Variants in PRMT2 observed in about 807,000 individuals in gnomAD.
The protein encoded by PRMT2 is protein arginine N-methyltransferase 2.
PRMT2 carries 26 observed loss-of-function variants against 57.6 expected under a neutral mutation model. That is an observed-to-expected ratio of 0.45 (90% confidence interval 0.33 to 0.63). The LOEUF is 0.63. PRMT2 is among the 20% of genes least tolerant of loss of function. The pLI, the probability that PRMT2 is intolerant of heterozygous loss-of-function variation, is 0.02. For synonymous variants in PRMT2, 219 were observed against 220.0 expected (o/e 1.00, Z 0.04); for missense variants, 472 against 564.4 (o/e 0.84, Z 1.66).
At chr21:46,652,771 T>C (rs1399720244) in intron 7 of PRMT2, 15 of 1,192,112 alleles carry the variant, frequency 1.3e-5, no homozygotes, top group Non-Finnish European at 1.6e-5. Flanking sequence ...GTGTCCTAGA[T>C]TGTCAACAGA....
chr21:46,661,893 G>A lies in PRMT2; in HGVS notation c.1054G>A (p.Glu352Lys). The change falls in exon 10 of 12, where the codon GAG becomes AAG. Residue 352 changes from glutamate (E) to lysine (K), a missense_variant. Physicochemically the swap from Glu to Lys is moderately conservative, Grantham distance 56 (BLOSUM62 1). Coordinates refer to ENST00000355680, the MANE Select transcript of PRMT2 (RefSeq NM_206962.4). The stretch of plus-strand genomic sequence containing the variant: ...TAGCGTCCACTTCCAGAGCCTGCAG[G>A]AGGGGCAGCCGCCGCAGGTGCTCAG... ...WFSVHFQSLQ[E>K]GQPPQVLSTG... is the part of the protein sequence containing the mutation. The A allele has an allele frequency of 6.7e-7, 1 of 1,491,198 alleles. No individual in the cohort carries two copies. Among genetic ancestry groups the A allele is most frequent in the East Asian group, 2.7e-5 (1 of 37,698 alleles). The allele number at this position is 1,491,198 out of a possible 1,614,324, so 92.4% of individuals were successfully genotyped here.
chr21:46,638,428 GT>G (rs1345903050), intron 3 of PRMT2, among the ~76,000 whole-genome samples: 1 of 152,168 alleles, frequency 6.6e-6, no homozygotes, highest in Non-Finnish European at 1.5e-5. Context: ...ATTGTTTCTA[GT>G]TTTTTCTATT....
At chr21:46,652,791 C>A in intron 7 of PRMT2, 9 of 1,223,500 alleles carry the variant, frequency 7.4e-6, no homozygotes, top group Non-Finnish European at 9.5e-6. Context: ...ACCATTTAAT[C>A]ATTTTTGTTA....
rs1460559354 is a variant in PRMT2, at chr21:46,664,714, C to A, written c.*387C>A. 7.5e-6 allele frequency: 2 copies of A among 266,518 alleles called. No individual in the cohort carries two copies. The highest frequency in any genetic ancestry group is 1.5e-5 in the Non-Finnish European group (2 of 136,288). The allele number at this position is 266,518 out of a possible 1,614,324, so 16.5% of individuals were successfully genotyped here. ...CTGTGACAGTGACTGTCCCCACCTC[C>A]TATGTTAGTGGTGCCCTTACTGCCG... On this transcript the variant is annotated 3_prime_UTR_variant, in exon 12 of 12. Transcript: ENST00000355680.
chr21:46,644,637 G>T, intron 5 of PRMT2, 149 bp downstream of exon 5: 3 of 703,420 alleles, frequency 4.3e-6, no homozygotes, highest in Non-Finnish European at 4.4e-6. Flanking sequence ...TTGTGTGGAA[G>T]CCACTGTGGA....
chr21:46,658,572 C>A lies in PRMT2; in HGVS notation c.655-173C>A, dbSNP rs543599580. 1.7e-5 allele frequency: 20 copies of A among 1,176,446 alleles called. No individual in the cohort carries two copies. In the South Asian group the frequency reaches 3.2e-4, roughly 19 times the overall value. 72.9% of individuals were successfully genotyped at this position (1,176,446 alleles called of 1,614,324 possible). A position where few individuals can be genotyped will look rare whatever the true frequency, so the allele number is the denominator to read the frequency against. On this transcript the variant is annotated intron_variant, in intron 7 of 11. Transcript: ENST00000355680. ...GTGAGATGCATCAGTGACGTGTGGGCATAAAATAAACCCTCGAGATGTTCT... is the reference window on the plus strand; with the variant it reads ...GTGAGATGCATCAGTGACGTGTGGGAATAAAATAAACCCTCGAGATGTTCT...
At position 46,648,126 on chromosome 21, in the gene PRMT2, C is replaced by T. The variant is rs1382554095; in HGVS notation, c.328-332C>T. Among the ~76,000 whole-genome samples, 4 of 152,186 alleles carry T rather than the reference C, an allele frequency of 2.6e-5. No individual in the cohort carries two copies. The highest frequency in any genetic ancestry group is 9.7e-5 in the African/African-American group (4 of 41,442). On this transcript the variant is annotated intron_variant, in intron 5 of 11. Transcript: ENST00000355680. This position sits in a 1 kb window ranked among gnomAD's most constrained non-coding sequence, Gnocchi z 4.8. ...CTGACATCTTTATAACATTGACTCT[C>T]AGTCTCTGATTACTTAAGCTTTGTT...
Position 46,658,928 on chromosome 21 carries a change from T to C in PRMT2, c.830+8T>C. On this transcript the variant is annotated splice_region_variant and intron_variant, in intron 8 of 11. Coordinates refer to ENST00000355680, the MANE Select transcript of PRMT2 (RefSeq NM_206962.4). ...CAACCTCAGCGCTCTGAAGTAAGTG[T>C]CCACAGCTGGGACTGGCACCGTCTT... 2 of 1,609,698 alleles carry C rather than the reference T, an allele frequency of 1.2e-6. No homozygotes were observed. Among genetic ancestry groups the C allele is most frequent in the Non-Finnish European group, 1.7e-6 (2 of 1,176,600 alleles).
At chr21:46,638,319 A>C (rs763242261) in intron 3 of PRMT2, among the ~76,000 whole-genome samples, 1 of 152,206 alleles carries the variant, frequency 6.6e-6, no homozygotes, top group African/African-American at 2.4e-5. Context: ...AGTGTAAAGT[A>C]TCCTATTTGT....
chr21:46,663,290 C>G (rs558035451), intron 10 of PRMT2, 93 bp from the exon 11 acceptor site: 6 of 1,299,982 alleles, frequency 4.6e-6, no homozygotes, highest in Non-Finnish European at 6.3e-6. Flanking sequence ...CTGTTGGGGG[C>G]GAGAGCCAGT....
rs760653379 is a variant in PRMT2 at position 46,660,851 on chromosome 21, G to A, written c.849G>A (p.Glu283=). ...LSALKSLAVK[E]FFSKPKYNHI... ...CCCCTAGATCTTTAGCAGTTAAGGA[G>A]TTTTTTTCAAAGCCCAAGTATAACC... Residue 283 remains glutamate (E), a synonymous_variant, in exon 9 of 12, where the codon GAG becomes GAA. Coordinates refer to ENST00000355680, the MANE Select transcript of PRMT2 (RefSeq NM_206962.4). 3 of 1,614,016 alleles carry A rather than the reference G, an allele frequency of 1.9e-6. No individual in the cohort carries two copies. Among genetic ancestry groups the A allele is most frequent in the Admixed American group, 1.7e-5 (1 of 59,984 alleles).
Position 46,660,777 on chromosome 21 carries a change from T to G in PRMT2, c.831-56T>G, listed in dbSNP as rs1032491318. 6 of 1,599,636 alleles carry G rather than the reference T, an allele frequency of 3.8e-6. No individual in the cohort carries two copies. In the Admixed American group the frequency reaches 6.9e-5, roughly 18 times the overall value. On this transcript the variant is annotated intron_variant, in intron 8 of 11. Transcript: ENST00000355680. ...TCACCGCGGTCCCACGTGTGTGTTT[T>G]GAAGCCTAAGATGTTTGCAATGACT...
chr21:46,652,553 G>A (rs2061476315), intron 7 of PRMT2: 1 of 985,322 alleles, frequency 1.0e-6, no homozygotes, highest in Admixed American at 6.1e-5. Context: ...TTTGACCTGG[G>A]AAGTTGGCTG....
chr21:46,651,938 T>A (rs373818547), intron 7 of PRMT2: 9 of 1,613,200 alleles, frequency 5.6e-6, no homozygotes, highest in Non-Finnish European at 7.6e-6. Context: ...CCTTGCCTGC[T>A]GTCTGCCTGT....
Position 46,663,372 on chromosome 21 carries a change from C to T in PRMT2, c.1098-11C>T. 1.9e-6 allele frequency: 3 copies of T among 1,606,002 alleles called. No individual in the cohort carries two copies. The highest frequency in any genetic ancestry group is 1.3e-5 in the African/African-American group (1 of 74,934). On this transcript the variant is annotated splice_polypyrimidine_tract_variant and intron_variant, in intron 10 of 11. Transcript: ENST00000355680. ...CTCAGCCTCCAGGTCACACGCACCC[C>T]TGTCTTGCAGCACCACACACTGGAA...
intron 10 of PRMT2, 34 bp downstream of exon 10, chr21:46,661,970 G>GTGGGGGGCGCGGAGA (rs776577084): frequency 0.035 from 39,541 of 1,120,366 alleles, 3,401 homozygotes; most frequent in Non-Finnish European, 0.038. Flanking sequence ...GGGGTGCGGG[G>GTGGGGGGCGCGGAGA]TGGGGGGCAG....
intron 3 of PRMT2, among the ~76,000 whole-genome samples, chr21:46,642,605 C>G (rs1484215361): frequency 6.6e-6 from 1 of 152,192 alleles, no homozygotes; most frequent in Non-Finnish European, 1.5e-5. Flanking sequence ...ACACGAATTA[C>G]TTTTATGTTT....
intron 2 of PRMT2, 136 bp downstream of exon 2, chr21:46,636,683 G>A (rs1311013083): frequency 2.1e-6 from 1 of 471,264 alleles, no homozygotes; most frequent in African/African-American, 2.0e-5. Flanking sequence ...ACACCTTGCA[G>A]ACTAGTGAAG....
intron 7 of PRMT2, chr21:46,658,505 T>G (rs1292003244): frequency 1.8e-6 from 1 of 561,026 alleles, no homozygotes; most frequent in Non-Finnish European, 2.9e-6. Flanking sequence ...TCTGCTCCAG[T>G]TCATAGTTCT....
Sources: gnomAD v4.1 joint callset for allele counts (sites outside exome capture counted in the v4.1 genomes callset) on GRCh38, gnomAD v4.1.1 for gene constraint, Gnocchi (gnomAD v3.1) non-coding constraint, MANE v1.5 for transcripts, NCBI Gene and HGNC (gene_info 2026-07-23, HGNC 2026-07-21) for gene names.